KIAA1671: variants seen among roughly 807,000 people sequenced by gnomAD.
The protein encoded by KIAA1671 is uncharacterized protein KIAA1671.
In KIAA1671, 52 loss-of-function variants were observed where a neutral mutation model predicts 131.2. The ratio of observed to expected loss-of-function variants is 0.40; its 90% confidence interval spans 0.32 to 0.50. KIAA1671 has a LOEUF of 0.50. Ranked by LOEUF, KIAA1671 falls within the 20% of genes least tolerant of loss-of-function variation. The pLI is 0.73. For missense variants in KIAA1671, 2,360 were observed against 2,364.2 expected, an observed-to-expected ratio of 1.00 and a Z score of 0.04; for synonymous variants, 1,003 against 961.6, an observed-to-expected ratio of 1.04 and a Z score of -0.80.
rs1226329928 is a variant in KIAA1671 at position 25,174,395 on chromosome 22, C to T, written c.4805C>T (p.Ser1602Phe). 5.8e-6 allele frequency: 9 copies of T among 1,551,912 alleles called. No individual in the cohort carries two copies. The highest frequency in any genetic ancestry group is 7.8e-6 in the Non-Finnish European group (9 of 1,147,018). ...CAGCGGAGCACCAGCGTGGACCACT[C>T]CAGCACTGACCTGGAATCCACCGAT... ...RDQRSTSVDH[S>F]STDLESTDGM... is the part of the protein sequence containing the mutation. The change falls in exon 8 of 13, where the codon TCC becomes TTC. Residue 1602 changes from serine (S) to phenylalanine (F), a missense_variant. Around this residue, in one of 3 missense-constraint regions of KIAA1671, gnomAD observed 1,161 missense variants for 1,204.7 expected, o/e 0.96. Coordinates refer to ENST00000358431, the MANE Select transcript of KIAA1671 (RefSeq NM_001145206.2).
Position 25,041,166 on chromosome 22 carries a change from G to T in KIAA1671, c.4036G>T (p.Ala1346Ser). ...TGTTGCAAAGTGTCAGAATTACCTG[G>T]CTGAGTCAAAGCCCTCTGGTCGGGA... The part of the protein sequence containing the change: ...HHVAKCQNYL[A>S]ESKPSGREDP... Residue 1346 changes from alanine (A) to serine (S), a missense_variant, in exon 5 of 13, where the codon GCT becomes TCT. Around this residue, in one of 3 missense-constraint regions of KIAA1671, gnomAD observed 1,161 missense variants for 1,204.7 expected, o/e 0.96. Transcript: ENST00000358431. The T allele has an allele frequency of 1.3e-6, 2 of 1,551,692 alleles. No individual in the cohort carries two copies. Among genetic ancestry groups the T allele is most frequent in the South Asian group, 1.2e-5 (1 of 84,062 alleles).
At chr22:25,183,339 G>C (rs1399076126) in intron 10 of KIAA1671, among the ~76,000 whole-genome samples, 1 of 152,110 alleles carries the variant, frequency 6.6e-6, no homozygotes, top group African/African-American at 2.4e-5. Flanking sequence ...GTGGATGCGT[G>C]CTTGTGTCTG....
chr22:25,140,430 C>CG (rs1932790774), intron 6 of KIAA1671, among the ~76,000 whole-genome samples: 1 of 151,710 alleles, frequency 6.6e-6, no homozygotes, highest in Non-Finnish European at 1.5e-5. Context: ...GGCCGGACTG[C>CG]GGTGGCACTA....
In KIAA1671 at chr22:25,049,141, G is replaced by T. The variant is rs1053600767; in HGVS notation, c.4396-89G>T. On this transcript the variant is annotated intron_variant, in intron 5 of 12. Transcript: ENST00000358431. The stretch of plus-strand genomic sequence containing the variant: ...TTTAATTTTCTTCTTTGCCCTTTTT[G>T]GTACAGAATGGACTCTTGGCATAAT... 1.1e-4 allele frequency: 158 copies of T among 1,433,798 alleles called. No homozygotes were observed. In the African/African-American group the frequency reaches 2.1e-3, roughly 19 times the overall value. The allele number at this position is 1,433,798 out of a possible 1,614,324, so 88.8% of individuals were successfully genotyped here.
At chr22:25,043,428 G>A (rs1395658402) in intron 5 of KIAA1671, among the ~76,000 whole-genome samples, 1 of 152,098 alleles carries the variant, frequency 6.6e-6, no homozygotes, top group Non-Finnish European at 1.5e-5. Context: ...CTTGTCCCAG[G>A]TCACACAGCA....
intron 6 of KIAA1671, among the ~76,000 whole-genome samples, chr22:25,093,750 C>CTTTCTCTCTCTCTCTCTG (rs1568951040): frequency 8.4e-6 from 1 of 118,936 alleles, no homozygotes; most frequent in Non-Finnish European, 1.8e-5. Flanking sequence ...CTCTCTCTCT[C>CTTTCTCTCTCTCTCTCTG]TCTCTCTCTC....
At chr22:25,015,361 G>A (rs1602068240) in intron 1 of KIAA1671, among the ~76,000 whole-genome samples, 1 of 151,952 alleles carries the variant, frequency 6.6e-6, no homozygotes, top group African/African-American at 2.4e-5. Context: ...GTGGACTCTA[G>A]TTTGCCAATT....
rs577766625 is a variant in KIAA1671, at chr22:25,168,290, C to T, written c.4531-2530C>T. ...AGAATCCTAGAGCCTGCGTCTGTGC[C>T]GTGACCTCCCACGCCCAGTTCCCCG... On this transcript the variant is annotated intron_variant, in intron 6 of 12. Coordinates refer to ENST00000358431, the MANE Select transcript of KIAA1671 (RefSeq NM_001145206.2). Among the ~76,000 whole-genome samples, 10 of 152,348 alleles carry T rather than the reference C, an allele frequency of 6.6e-5. No individual in the cohort carries two copies. The East Asian group carries it at 1.2e-3, about 18-fold the overall frequency.
chr22:25,039,232 T>G lies in KIAA1671; in HGVS notation c.2102T>G (p.Leu701Arg). The G allele has an allele frequency of 1.3e-6, 2 of 1,552,268 alleles. No individual in the cohort carries two copies. Among genetic ancestry groups the G allele is most frequent in the Non-Finnish European group, 1.7e-6 (2 of 1,147,114 alleles). ...GAACTGAGACCGTATCACACGCCTC[T>G]CCGGGACAAATACCCTTTGTCTGAA... ...NGELRPYHTP[L>R]RDKYPLSENH... is the part of the protein sequence containing the mutation. The change falls in exon 5 of 13, where the codon CTC (leucine) becomes CGC (arginine). Residue 701 changes from leucine (L) to arginine (R), a missense_variant. This residue lies in a region of KIAA1671 where 1,185 missense variants were observed against 1,126.2 expected (regional missense o/e 1.05). Transcript: ENST00000358431.
Position 25,040,013 on chromosome 22 carries a change from C to G in KIAA1671, c.2883C>G (p.Phe961Leu), listed in dbSNP as rs1475044319. Reference sequence around the variant, plus strand: ...CCCCCAACGTGAAATTTGATACATTCAGTTCTCTTGTCCCAGAGGACTCTC... The same window carrying G: ...CCCCCAACGTGAAATTTGATACATTGAGTTCTCTTGTCCCAGAGGACTCTC... ...TLPPNVKFDT[F>L]SSLVPEDSPH... The change falls in exon 5 of 13, where the codon TTC becomes TTG. Residue 961 changes from phenylalanine (F) to leucine (L), a missense_variant. Transcript: ENST00000358431. 6 of 1,551,528 alleles carry G rather than the reference C, an allele frequency of 3.9e-6. No individual in the cohort carries two copies. The African/African-American group carries it at 8.2e-5, about 21-fold the overall frequency.
intron 6 of KIAA1671, among the ~76,000 whole-genome samples, chr22:25,121,738 A>G (rs912410993): frequency 1.3e-5 from 2 of 152,230 alleles, no homozygotes; most frequent in Admixed American, 6.5e-5. Context: ...GATATAATAG[A>G]CATAAGTGAC....
At chr22:25,100,087 TC>T (rs1041779172) in intron 6 of KIAA1671, among the ~76,000 whole-genome samples, 4 of 152,186 alleles carry the variant, frequency 2.6e-5, no homozygotes, top group African/African-American at 9.7e-5. Context: ...CCTGTGGTCT[TC>T]CTGGGTAACC....
At chr22:25,181,552 G>T (rs1934275916) in intron 9 of KIAA1671, 147 bp from the exon 10 acceptor site, 1 of 876,648 alleles carries the variant, frequency 1.1e-6, no homozygotes, top group South Asian at 1.8e-5. Context: ...GCACCTTGGT[G>T]GTCCTCATCT....
At chr22:25,155,920 A>C (rs931204261) in intron 6 of KIAA1671, among the ~76,000 whole-genome samples, 4 of 142,108 alleles carry the variant, frequency 2.8e-5, no homozygotes, top group Admixed American at 7.2e-5. Flanking sequence ...TTTTTTGTGT[A>C]TATATATTTA....
At chr22:25,107,824 A>G (rs137915040) in intron 6 of KIAA1671, among the ~76,000 whole-genome samples, 2,709 of 152,190 alleles carry the variant, frequency 0.018, 75 homozygotes, top group African/African-American at 0.061. Flanking sequence ...CCTGGGCAAC[A>G]TGGTGAAACC....
intron 12 of KIAA1671, among the ~76,000 whole-genome samples, chr22:25,191,361 G>A (rs144899204): frequency 0.017 from 2,555 of 152,016 alleles, 66 homozygotes; most frequent in African/African-American, 0.059. Context: ...TCACCATGTT[G>A]GACAGGCTGG....
intron 1 of KIAA1671, among the ~76,000 whole-genome samples, chr22:24,966,796 T>C (rs2144124): frequency 0.39 from 59,149 of 151,858 alleles, 12,724 homozygotes; most frequent in East Asian, 0.68. Context: ...CTACAAAAAA[T>C]TTAAAAAATT....
intron 4 of KIAA1671, among the ~76,000 whole-genome samples, chr22:25,038,021 A>G (rs1053668521): frequency 6.6e-6 from 1 of 151,944 alleles, no homozygotes; most frequent in Admixed American, 6.6e-5. Flanking sequence ...TTTAGTAGAG[A>G]ACGGGGTTTC....
At chr22:25,042,920 A>C (rs2145810507) in intron 5 of KIAA1671, among the ~76,000 whole-genome samples, 1 of 152,236 alleles carries the variant, frequency 6.6e-6, no homozygotes, top group Non-Finnish European at 1.5e-5. Flanking sequence ...TGAAGTTGTC[A>C]TGTCCAGGGG....
Sources: gnomAD v4.1 joint callset for allele counts (sites outside exome capture counted in the v4.1 genomes callset) on GRCh38, gnomAD v4.1.1 for gene constraint, gnomAD v4.1.1 regional missense constraint, MANE v1.5 for transcripts, NCBI Gene and HGNC (gene_info 2026-07-23, HGNC 2026-07-21) for gene names.